DPYSL5: variants seen among roughly 807,000 people sequenced by gnomAD.
The protein encoded by DPYSL5 is dihydropyrimidinase-related protein 5.
In DPYSL5, 9 loss-of-function variants were observed where a neutral mutation model predicts 58.4. That is an observed-to-expected ratio of 0.15 (90% confidence interval 0.09 to 0.27). The LOEUF is 0.27. DPYSL5 is among the 10% of genes least tolerant of loss of function. The pLI, the probability that DPYSL5 is intolerant of heterozygous loss-of-function variation, is 1.00. For missense variants in DPYSL5, 499 were observed against 770.6 expected (o/e 0.65, Z 4.17); for synonymous variants, 293 against 301.9 (o/e 0.97, Z 0.31).
rs1665412928 is a variant in DPYSL5 at position 26,944,430 on chromosome 2, G to T, written c.1441-226G>T. 1.3e-5 allele frequency among the ~76,000 whole-genome samples: 2 copies of T among 152,168 alleles called. No homozygotes were observed. Among genetic ancestry groups the T allele is most frequent in the African/African-American group, 4.8e-5 (2 of 41,440 alleles). On this transcript the variant is annotated intron_variant, in intron 11 of 12. Transcript: ENST00000288699. The surrounding 1 kb of genome is among the most constrained non-coding windows in gnomAD (Gnocchi z 4.4). The stretch of plus-strand genomic sequence containing the variant: ...CACACACATGTGCACTCACATACAT[G>T]CACGCATGCACACATGTACACATAT...
At position 26,933,687 on chromosome 2, in the gene DPYSL5, G is replaced by A. The variant is rs1358335148; in HGVS notation, c.790+354G>A. On this transcript the variant is annotated intron_variant, in intron 7 of 12. Coordinates refer to ENST00000288699, the MANE Select transcript of DPYSL5 (RefSeq NM_020134.4). This position sits in a 1 kb window ranked among gnomAD's most constrained non-coding sequence, Gnocchi z 4.2. ...GTTGCCTTGGCAACTAACATAAAAT[G>A]CTGGACCAGTTTCAGTGGGCATTTC... Among the ~76,000 whole-genome samples the A allele has an allele frequency of 1.3e-5, 2 of 152,230 alleles. No individual in the cohort carries two copies. Among genetic ancestry groups the A allele is most frequent in the Non-Finnish European group, 2.9e-5 (2 of 68,048 alleles).
Position 26,945,782 on chromosome 2 carries a change from C to T in DPYSL5, c.1609+958C>T, listed in dbSNP as rs150984474. 9.9e-3 allele frequency among the ~76,000 whole-genome samples: 1,510 copies of T among 152,370 alleles called. 7 individuals are homozygous for T. Among genetic ancestry groups the T allele is most frequent in the Non-Finnish European group, 0.017 (1,133 of 68,042 alleles). Reference sequence around the variant, plus strand: ...CGCAAGACCCTGGTCCTTCCACCCACAGCCTGGAGTTTACTGGGGGAGACA... The same window carrying T: ...CGCAAGACCCTGGTCCTTCCACCCATAGCCTGGAGTTTACTGGGGGAGACA... On this transcript the variant is annotated intron_variant, in intron 12 of 12. Coordinates refer to ENST00000288699, the MANE Select transcript of DPYSL5 (RefSeq NM_020134.4).
At chr2:26,858,226 C>T (rs1665926470) in intron 1 of DPYSL5, among the ~76,000 whole-genome samples, 1 of 133,090 alleles carries the variant, frequency 7.5e-6, no homozygotes, top group South Asian at 2.3e-4. Flanking sequence ...GGCTGGAGTG[C>T]AGAGGCGCGA....
Position 26,931,519 on chromosome 2 carries a change from C to T in DPYSL5, c.670-121C>T, listed in dbSNP as rs72851869. The stretch of plus-strand genomic sequence containing the variant: ...GTAGTTGGAGGTTAGTGCCTCTGCC[C>T]GGGCTTTGCCCCGAGCCAACCCCTA... On this transcript the variant is annotated intron_variant, in intron 5 of 12. Transcript: ENST00000288699. The T allele has an allele frequency of 5.2e-3, 5,949 of 1,141,336 alleles. 96 individuals are homozygous for T. In the African/African-American group the frequency reaches 0.053, roughly 10 times the overall value. The allele number at this position is 1,141,336 out of a possible 1,614,324, so 70.7% of individuals were successfully genotyped here. A position where few individuals can be genotyped will look rare whatever the true frequency, so the allele number is the denominator to read the frequency against.
rs61122277 is a variant in DPYSL5 at position 26,940,500 on chromosome 2, CTTT to C, written c.1089+342_1089+344del. Among the ~76,000 whole-genome samples the C allele has an allele frequency of 4.1e-3, 565 of 136,386 alleles. 5 individuals are homozygous for C. The highest frequency in any genetic ancestry group is 0.011 in the African/African-American group (413 of 37,318). 89.5% of individuals were successfully genotyped at this position (136,386 alleles called of 152,430 possible). A position where few individuals can be genotyped will look rare whatever the true frequency, so the allele number is the denominator to read the frequency against. On this transcript the variant is annotated intron_variant, in intron 9 of 12. Transcript: ENST00000288699. ...CATTTAGTTCTGTGCATGTACTGTA[CTTT>C]TTTTTTTTTTTTTCCTTTTTTACTA... is the stretch of plus-strand genomic sequence containing the variant.
intron 1 of DPYSL5, among the ~76,000 whole-genome samples, chr2:26,875,954 G>A (rs1039860119): frequency 2.6e-5 from 4 of 152,140 alleles, no homozygotes; most frequent in Non-Finnish European, 5.9e-5. Flanking sequence ...AGATGTAGAC[G>A]TATTCATCTC....
At chr2:26,909,686 G>A (rs533521090) in intron 2 of DPYSL5, among the ~76,000 whole-genome samples, 11 of 152,074 alleles carry the variant, frequency 7.2e-5, no homozygotes, top group South Asian at 4.2e-4. Flanking sequence ...AGGAGTTTGA[G>A]CTCACTTGAG....
chr2:26,848,986 G>C (rs1019432616), intron 1 of DPYSL5, among the ~76,000 whole-genome samples: 2 of 152,162 alleles, frequency 1.3e-5, no homozygotes, highest in African/African-American at 4.8e-5. Flanking sequence ...GCCTGGGGAC[G>C]GGGCTGTAGT....
At chr2:26,902,439 G>A (rs1196959610) in intron 2 of DPYSL5, among the ~76,000 whole-genome samples, 1 of 152,030 alleles carries the variant, frequency 6.6e-6, no homozygotes, top group African/African-American at 2.4e-5. Context: ...TCAGGTATGT[G>A]GCAAAATAAA....
rs1326275694 is a variant in DPYSL5, at chr2:26,877,227, A to G, written c.-4-21269A>G. On this transcript the variant is annotated intron_variant, in intron 1 of 12. Coordinates refer to ENST00000288699, the MANE Select transcript of DPYSL5 (RefSeq NM_020134.4). This position sits in a 1 kb window ranked among gnomAD's most constrained non-coding sequence, Gnocchi z 4.1. Reference sequence around the variant, plus strand: ...GTGATCTGCCGGCCTCCGCCTCCCAAAGTGCTGGGATTACAGGCATGAGCC... The same window carrying G: ...GTGATCTGCCGGCCTCCGCCTCCCAGAGTGCTGGGATTACAGGCATGAGCC... Among the ~76,000 whole-genome samples the G allele has an allele frequency of 1.3e-5, 2 of 152,016 alleles. No homozygotes were observed. The highest frequency in any genetic ancestry group is 2.1e-4 in the South Asian group (1 of 4,814).
intron 1 of DPYSL5, among the ~76,000 whole-genome samples, chr2:26,891,512 G>C (rs138966864): frequency 1.2e-4 from 18 of 152,186 alleles, no homozygotes; most frequent in Admixed American, 6.5e-4. Context: ...CGAGGTGGTG[G>C]CAGCCCAAGG....
At chr2:26,859,389 A>G (rs771212643) in intron 1 of DPYSL5, among the ~76,000 whole-genome samples, 1 of 151,960 alleles carries the variant, frequency 6.6e-6, no homozygotes, top group Non-Finnish European at 1.5e-5. Context: ...CATAGGGGGT[A>G]CAATTCTATC....
chr2:26,904,861 A>G (rs970051144), intron 2 of DPYSL5, among the ~76,000 whole-genome samples: 1 of 152,188 alleles, frequency 6.6e-6, no homozygotes, highest in Non-Finnish European at 1.5e-5. Context: ...CTGTGATTGC[A>G]CCACTGCACC....
chr2:26,874,039 A>G (rs1020559928), intron 1 of DPYSL5, among the ~76,000 whole-genome samples: 13 of 152,088 alleles, frequency 8.5e-5, no homozygotes, highest in African/African-American at 3.1e-4. Flanking sequence ...TTATGTGCTT[A>G]TTTACTACTT....
chr2:26,872,081 C>T (rs1663275141), intron 1 of DPYSL5, among the ~76,000 whole-genome samples: 1 of 152,210 alleles, frequency 6.6e-6, no homozygotes, highest in South Asian at 2.1e-4. Flanking sequence ...ACTGCCTCCT[C>T]ACTCATAATT....
chr2:26,887,856 T>C (rs1663758932), intron 1 of DPYSL5, among the ~76,000 whole-genome samples: 2 of 152,130 alleles, frequency 1.3e-5, no homozygotes, highest in Admixed American at 1.3e-4. Flanking sequence ...CGCGAACCCA[T>C]GAATGGTTCA....
At chr2:26,856,394 T>G (rs1355239976) in intron 1 of DPYSL5, among the ~76,000 whole-genome samples, 1 of 152,230 alleles carries the variant, frequency 6.6e-6, no homozygotes, top group Non-Finnish European at 1.5e-5. Context: ...TGGAATCATG[T>G]AGTGGATATT....
In DPYSL5 at chr2:26,934,859, T is replaced by C. The variant is rs902820423; in HGVS notation, c.947+125T>C. ...TGCCCATAGGATCATTGTGCTTTTC[T>C]TACCTTCTCTGAGCCCATCAGATAA... On this transcript the variant is annotated intron_variant, in intron 8 of 12. Transcript: ENST00000288699. The surrounding 1 kb of genome is among the most constrained non-coding windows in gnomAD (Gnocchi z 4.3). 25 of 1,307,802 alleles carry C rather than the reference T, an allele frequency of 1.9e-5. No homozygotes were observed. Among genetic ancestry groups the C allele is most frequent in the Non-Finnish European group, 2.7e-5 (25 of 942,614 alleles). The allele number at this position is 1,307,802 out of a possible 1,614,324, so 81.0% of individuals were successfully genotyped here.
intron 5 of DPYSL5, among the ~76,000 whole-genome samples, chr2:26,931,423 C>T (rs1285313051): frequency 6.6e-6 from 1 of 151,552 alleles, no homozygotes; most frequent in South Asian, 2.1e-4. Context: ...TTTAATTAAG[C>T]CCCAAGTAGC....
Sources: allele counts gnomAD v4.1 joint callset (sites outside exome capture counted in the v4.1 genomes callset), GRCh38; gene constraint gnomAD v4.1.1; non-coding constraint Gnocchi (gnomAD v3.1); transcripts MANE v1.5; gene names NCBI Gene and HGNC (gene_info 2026-07-23, HGNC 2026-07-21).